LMLN: variants seen among roughly 807,000 people sequenced by gnomAD.
LMLN encodes leishmanolysin like peptidase.
Under a neutral mutation model 92.3 loss-of-function variants are expected in LMLN, and 70 were observed. The ratio of observed to expected loss-of-function variants is 0.76; its 90% CI spans 0.63 to 0.92. LMLN has a LOEUF of 0.92. LMLN is among the 40% of genes least tolerant of loss of function. The pLI is 0.00. For missense variants in LMLN, 691 were observed against 814.6 expected (o/e 0.85, Z 1.85); for synonymous variants, 308 against 296.2 (o/e 1.04, Z -0.41).
At chr3:198,043,179 A>G (rs1723458870) in exon 16 of LMLN, 1 of 152,220 alleles carries the variant, frequency 6.6e-6, no homozygotes, top group Non-Finnish European at 1.5e-5. Flanking sequence ...TCTGTGAACG[A>G]CTAGGTGATC....
chr3:197,964,491 T>G (rs1197852648), intron 1 of LMLN, among the ~76,000 whole-genome samples: 5 of 151,346 alleles, frequency 3.3e-5, no homozygotes, highest in Non-Finnish European at 7.4e-5. Flanking sequence ...CTCGGCTTCC[T>G]GGGTTCAAGC....
chr3:198,041,174 A>G (rs1723394782), exon 16 of LMLN: 1 of 152,166 alleles, frequency 6.6e-6, no homozygotes, highest in African/African-American at 2.4e-5. Flanking sequence ...TTTCAAATGC[A>G]TAAATTTAAA....
Position 197,985,896 on chromosome 3 carries a change from T to TTTG in LMLN, c.929+16_929+18dup. 1.3e-6 allele frequency: 2 copies of TTTG among 1,551,820 alleles called. No homozygotes were observed. Among genetic ancestry groups the TTTG allele is most frequent in the Admixed American group, 3.3e-5 (2 of 59,934 alleles). On this transcript the variant is annotated splice_region_variant and intron_variant, in intron 8 of 15. Coordinates refer to ENST00000330198, the Ensembl canonical transcript of LMLN. ...CTCCCACCTTTTAATTATAGGTATT[T>TTTG]TTGTTGTTGTTGCTCTTGTTCTCCT...
At chr3:197,973,036 CA>C (rs1443150502) in intron 1 of LMLN, among the ~76,000 whole-genome samples, 2 of 152,186 alleles carry the variant, frequency 1.3e-5, no homozygotes, top group Non-Finnish European at 1.5e-5. Context: ...GTAGTGCTCT[CA>C]AGCCAAAGTT....
At chr3:197,985,549 A>C (rs1272082166) in intron 7 of LMLN, 2 of 266,700 alleles carry the variant, frequency 7.5e-6, no homozygotes, top group Non-Finnish European at 1.4e-5. Flanking sequence ...CTGAATATAA[A>C]TTTAAAATAT....
intron 8 of LMLN, among the ~76,000 whole-genome samples, chr3:197,990,179 C>T: frequency 6.6e-6 from 1 of 152,132 alleles, no homozygotes; most frequent in East Asian, 1.9e-4. Flanking sequence ...TCTCCTGCCT[C>T]AGCCGCCTGT....
At chr3:197,992,887 A>G (rs1721915429) in intron 9 of LMLN, among the ~76,000 whole-genome samples, 1 of 152,168 alleles carries the variant, frequency 6.6e-6, no homozygotes, top group South Asian at 2.1e-4. Context: ...ATTTTCCAAC[A>G]AGATACTAAC....
chr3:197,990,740 C>T (rs1352649484), intron 9 of LMLN, 64 bp downstream of exon 9: 2 of 758,538 alleles, frequency 2.6e-6, no homozygotes, highest in Non-Finnish European at 4.6e-6. Context: ...GTGGTCCTTT[C>T]TTTACTCATC....
intron 14 of LMLN, among the ~76,000 whole-genome samples, chr3:198,032,467 G>A (rs79981256): frequency 7.7e-4 from 117 of 152,218 alleles, no homozygotes; most frequent in African/African-American, 2.6e-3. Flanking sequence ...TCCATTTTGC[G>A]TTGCTGTAAA....
intron 6 of LMLN, among the ~76,000 whole-genome samples, chr3:197,983,630 T>C (rs944764181): frequency 6.6e-6 from 1 of 152,208 alleles, no homozygotes; most frequent in Non-Finnish European, 1.5e-5. Context: ...AAGTTAAATA[T>C]GGATTTTGCA....
chr3:197,970,164 TAAATAAATA>T (rs1721184411), intron 1 of LMLN, among the ~76,000 whole-genome samples: 1 of 151,758 alleles, frequency 6.6e-6, no homozygotes, highest in African/African-American at 2.4e-5. Context: ...AAACCCAAAA[TAAATAAATA>T]AAATAAATAA....
chr3:197,968,555 G>A (rs1721127761), intron 1 of LMLN, among the ~76,000 whole-genome samples: 1 of 152,052 alleles, frequency 6.6e-6, no homozygotes, highest in Non-Finnish European at 1.5e-5. Flanking sequence ...GTAAAGACAG[G>A]CATACGAAAT....
At chr3:197,972,725 G>A (rs895538503) in intron 1 of LMLN, among the ~76,000 whole-genome samples, 6 of 151,078 alleles carry the variant, frequency 4.0e-5, no homozygotes, top group South Asian at 2.1e-4. Flanking sequence ...TGTAGCTGGC[G>A]TTTAACTTAA....
chr3:197,992,573 G>A (rs760678452), intron 9 of LMLN, among the ~76,000 whole-genome samples: 16 of 152,222 alleles, frequency 1.1e-4, no homozygotes, highest in South Asian at 8.3e-4. Context: ...TACAACTTAT[G>A]AAGACTGAAT....
chr3:198,036,719 T>C (rs113511193), intron 15 of LMLN, among the ~76,000 whole-genome samples: 2,953 of 152,272 alleles, frequency 0.019, 111 homozygotes, highest in African/African-American at 0.068. Flanking sequence ...TTGACGGTGT[T>C]CAAACTGAGG....
At chr3:197,976,780 A>C in intron 5 of LMLN, 65 bp downstream of exon 5, 1 of 791,698 alleles carries the variant, frequency 1.3e-6, no homozygotes, top group Non-Finnish European at 1.9e-6. Flanking sequence ...TGAGTGTCAC[A>C]GAATTTTTAC....
chr3:197,960,541 A>G, intron 1 of LMLN, 101 bp downstream of exon 1: 1 of 1,124,634 alleles, frequency 8.9e-7, no homozygotes, highest in South Asian at 1.5e-5. Context: ...TGGATGAGAA[A>G]GCGAAATTGG....
At chr3:197,989,748 C>T (rs1193342531) in intron 8 of LMLN, among the ~76,000 whole-genome samples, 1 of 152,168 alleles carries the variant, frequency 6.6e-6, no homozygotes, top group Admixed American at 6.5e-5. Context: ...AGGGCTAGGC[C>T]CAGTGGCTCA....
At chr3:198,003,280 T>A (rs556267959) in intron 11 of LMLN, among the ~76,000 whole-genome samples, 155 bp downstream of exon 12, 1 of 152,312 alleles carries the variant, frequency 6.6e-6, no homozygotes, top group South Asian at 2.1e-4. Context: ...GGTAATAATA[T>A]AGTGAGAAGT....
Sources: allele counts gnomAD v4.1 joint callset (sites outside exome capture counted in the v4.1 genomes callset), GRCh38; gene constraint gnomAD v4.1.1; transcripts MANE v1.5; gene names NCBI Gene and HGNC (gene_info 2026-07-23, HGNC 2026-07-21).